The following FAP variants were observed in gnomAD, a reference collection of about 807,000 sequenced individuals.
FAP encodes the protein prolyl endopeptidase FAP.
A neutral mutation model predicts 126.5 loss-of-function variants in FAP; 110 were observed. The ratio of observed to expected loss-of-function variants is 0.87; its 90% CI spans 0.74 to 1.02. The LOEUF (loss-of-function observed/expected upper bound fraction) is 1.02. FAP is among the 50% of genes least tolerant of loss of function. The pLI is 0.00. For synonymous variants in FAP, 334 were observed against 297.3 expected (o/e 1.12, Z -1.27); for missense variants, 919 against 909.2 (o/e 1.01, Z -0.14).
rs538347076 is a variant in FAP at position 162,215,123 on chromosome 2, T to C, written c.866+775A>G. Among the ~76,000 whole-genome samples, 30 of 152,300 alleles carry C rather than the reference T, an allele frequency of 2.0e-4. No homozygotes were observed. The South Asian group carries it at 6.2e-3, about 32-fold the overall frequency. On this transcript the variant is annotated intron_variant, in intron 10 of 25. Coordinates refer to ENST00000188790, the MANE Select transcript of FAP (RefSeq NM_004460.5). ...TCAAAAATATAAAGTCATGTTTGAT[T>C]ATACAAGAGTGGACTCAGCAAGGCC...
intron 20 of FAP, among the ~76,000 whole-genome samples, chr2:162,186,553 A>T (rs544030484): frequency 5.9e-5 from 9 of 152,158 alleles, no homozygotes; most frequent in Non-Finnish European, 1.2e-4. Flanking sequence ...ATAATGACAT[A>T]TTTTGTTGTT....
intron 16 of FAP, among the ~76,000 whole-genome samples, chr2:162,196,216 G>A (rs1169611357): frequency 1.3e-5 from 2 of 152,098 alleles, no homozygotes; most frequent in Admixed American, 1.3e-4. Flanking sequence ...TAATATTTTG[G>A]TTTCCTGCCT....
intron 2 of FAP, among the ~76,000 whole-genome samples, chr2:162,237,340 G>A (rs1690178901): frequency 6.6e-6 from 1 of 152,138 alleles, no homozygotes; most frequent in Admixed American, 6.5e-5. Context: ...ATCTACATTA[G>A]GTATTTCTTC....
intron 2 of FAP, among the ~76,000 whole-genome samples, chr2:162,227,194 T>G (rs904178797): frequency 2.0e-5 from 3 of 152,096 alleles, no homozygotes; most frequent in African/African-American, 7.2e-5. Flanking sequence ...TGTAGGTAAT[T>G]TTCTCATACT....
chr2:162,236,089 A>G (rs946542308), intron 2 of FAP, among the ~76,000 whole-genome samples: 3 of 151,950 alleles, frequency 2.0e-5, no homozygotes, highest in African/African-American at 7.3e-5. Context: ...CCTTTTTTCT[A>G]TTAATAAAGT....
chr2:162,226,091 T>G (rs1689635284), intron 3 of FAP, among the ~76,000 whole-genome samples: 2 of 152,180 alleles, frequency 1.3e-5, no homozygotes, highest in South Asian at 4.1e-4. Flanking sequence ...CATCCTATTT[T>G]GAAAAGCTGT....
chr2:162,172,520 T>C (rs1687346118), intron 25 of FAP: 1 of 312,230 alleles, frequency 3.2e-6, no homozygotes, highest in South Asian at 5.5e-5. Flanking sequence ...ATTGCACTTA[T>C]TCACATAGGA....
intron 2 of FAP, among the ~76,000 whole-genome samples, chr2:162,232,072 G>T (rs374887329): frequency 2.0e-5 from 3 of 151,982 alleles, no homozygotes; most frequent in Non-Finnish European, 4.4e-5. Flanking sequence ...GCACCACAGG[G>T]GCAAGGACAG....
At chr2:162,193,388 A>G (rs1044159865) in intron 17 of FAP, among the ~76,000 whole-genome samples, 9 of 152,178 alleles carry the variant, frequency 5.9e-5, no homozygotes, top group Non-Finnish European at 1.2e-4. Context: ...TACATCTGAC[A>G]TATCTGAGGG....
In FAP at chr2:162,240,921, A is replaced by G. The variant is rs79569206; in HGVS notation, c.91+1987T>C. ...CCAGACGGGAGATGATTGATTGACC[A>G]GTGAGATGTGAGAAGAAAGGAGGAA... On this transcript the variant is annotated intron_variant, in intron 2 of 25. Transcript: ENST00000188790. 1.0e-3 allele frequency among the ~76,000 whole-genome samples: 157 copies of G among 152,282 alleles called. 1 individual carries two copies. Among genetic ancestry groups the G allele is most frequent in the African/African-American group, 3.6e-3 (150 of 41,554 alleles).
At chr2:162,207,784 C>T (rs1410136042) in intron 12 of FAP, among the ~76,000 whole-genome samples, 2 of 151,032 alleles carry the variant, frequency 1.3e-5, no homozygotes, top group Admixed American at 6.6e-5. Flanking sequence ...GATCTCTGCT[C>T]ACTGCAAGCT....
At chr2:162,207,872 G>A (rs1320396653) in intron 12 of FAP, among the ~76,000 whole-genome samples, 2 of 151,204 alleles carry the variant, frequency 1.3e-5, no homozygotes, top group African/African-American at 4.9e-5. Context: ...CACCATGCCC[G>A]GCTAATTTTT....
intron 16 of FAP, chr2:162,198,381 T>C: frequency 7.9e-7 from 1 of 1,273,252 alleles, no homozygotes; most frequent in African/African-American, 1.5e-5. Flanking sequence ...TTTCTTTTTC[T>C]GCGATTGCTC....
intron 21 of FAP, among the ~76,000 whole-genome samples, chr2:162,179,074 C>T (rs1455131829): frequency 1.3e-5 from 2 of 152,122 alleles, no homozygotes; most frequent in African/African-American, 4.8e-5. Flanking sequence ...CACTTTGCAG[C>T]CAAGATTATC....
chr2:162,225,701 CTTTGT>C, intron 3 of FAP, 124 bp from the exon 4 acceptor site: 2 of 915,876 alleles, frequency 2.2e-6, no homozygotes, highest in Non-Finnish European at 3.0e-6. Flanking sequence ...GTACATATTG[CTTTGT>C]GATATGTAAA....
Position 162,203,155 on chromosome 2 carries a change from A to G in FAP, c.1048-10T>C. 6.3e-7 allele frequency: 1 copy of G among 1,581,748 alleles called. No individual in the cohort carries two copies. Among genetic ancestry groups the G allele is most frequent in the Non-Finnish European group, 8.7e-7 (1 of 1,153,906 alleles). On this transcript the variant is annotated splice_polypyrimidine_tract_variant and intron_variant, in intron 12 of 25. Transcript: ENST00000188790. ...GTGTTGAAACAAAGAACTGAAAAAA[A>G]TTAGCAGAGGTTATGTTCAAAAGAC...
chr2:162,214,580 G>A (rs555743635), intron 10 of FAP, among the ~76,000 whole-genome samples: 5 of 151,020 alleles, frequency 3.3e-5, no homozygotes, highest in South Asian at 4.2e-4. Flanking sequence ...TGATGTATGC[G>A]AAATAACTCA....
intron 21 of FAP, among the ~76,000 whole-genome samples, chr2:162,177,044 AG>A (rs1248584085): frequency 6.6e-6 from 1 of 152,068 alleles, no homozygotes; most frequent in South Asian, 2.1e-4. Flanking sequence ...AGAAATGAAG[AG>A]GGGGAAAAAA....
At chr2:162,206,304 C>T (rs996695985) in intron 12 of FAP, among the ~76,000 whole-genome samples, 46 of 152,292 alleles carry the variant, frequency 3.0e-4, no homozygotes, top group African/African-American at 8.2e-4. Context: ...TTTAATGAGG[C>T]CCTTACACTG....
Sources: allele counts gnomAD v4.1 joint callset (sites outside exome capture counted in the v4.1 genomes callset), GRCh38; gene constraint gnomAD v4.1.1; transcripts MANE v1.5; gene names NCBI Gene and HGNC (gene_info 2026-07-23, HGNC 2026-07-21).